Variants in SUGCT observed in about 807,000 individuals in gnomAD.
SUGCT encodes succinyl-CoA:glutarate CoA-transferase.
In SUGCT, 41 loss-of-function variants were observed where a neutral mutation model predicts 55.0. That is an observed-to-expected ratio of 0.74 (90% CI 0.58 to 0.97). SUGCT has a LOEUF of 0.97. Ranked by LOEUF, SUGCT falls within the 50% of genes least tolerant of loss-of-function variation. The probability of loss-of-function intolerance (pLI) is 0.00; values close to 1 mark genes in which losing one functional copy is unlikely to be tolerated. For synonymous variants in SUGCT, 187 were observed against 200.4 expected (o/e 0.93, Z 0.56); for missense variants, 568 against 547.8 (o/e 1.04, Z -0.37).
chr7:40,908,160 C>T, the SUGCT span, among the ~76,000 whole-genome samples: 20 of 151,616 alleles, frequency 1.3e-4, no homozygotes, highest in Non-Finnish European at 2.5e-4. Context: ...AGGCGGATCA[C>T]GAGGTCAGGA....
At chr7:40,854,943 A>G (rs1794093238) in intron 13 of SUGCT, among the ~76,000 whole-genome samples, 1 of 152,110 alleles carries the variant, frequency 6.6e-6, no homozygotes, top group Non-Finnish European at 1.5e-5. Context: ...GTCTTAAAAA[A>G]AACAAAAAGT....
chr7:40,565,219 A>C (rs975081772), intron 12 of SUGCT, among the ~76,000 whole-genome samples: 2 of 152,164 alleles, frequency 1.3e-5, no homozygotes, highest in African/African-American at 2.4e-5. Flanking sequence ...TCAAATGGAA[A>C]ACTTACCCCC....
At chr7:40,647,822 GAA>G (rs761976770) in intron 12 of SUGCT, among the ~76,000 whole-genome samples, 1 of 131,512 alleles carries the variant, frequency 7.6e-6, no homozygotes. Flanking sequence ...CTGCACTCCA[GAA>G]AAAAAAAAAA....
At chr7:40,353,395 C>T (rs1025970501) in intron 9 of SUGCT, among the ~76,000 whole-genome samples, 4 of 152,168 alleles carry the variant, frequency 2.6e-5, no homozygotes, top group Non-Finnish European at 5.9e-5. Flanking sequence ...CACATTTTAA[C>T]AGGATCCTCA....
At chr7:40,534,531 G>C (rs1221987638) in intron 12 of SUGCT, among the ~76,000 whole-genome samples, 1 of 152,078 alleles carries the variant, frequency 6.6e-6, no homozygotes, top group African/African-American at 2.4e-5. Flanking sequence ...CTACAGGCAT[G>C]TGCTGCCATG....
chr7:40,547,416 A>G (rs188336782), intron 12 of SUGCT, among the ~76,000 whole-genome samples: 1 of 152,320 alleles, frequency 6.6e-6, no homozygotes, highest in East Asian at 1.9e-4. Context: ...ACCTTCCTTA[A>G]AAACTTATAA....
the SUGCT span, among the ~76,000 whole-genome samples, chr7:41,005,622 G>T: frequency 6.6e-6 from 1 of 152,262 alleles, no homozygotes; most frequent in East Asian, 1.9e-4. Flanking sequence ...CTGTGCTGTG[G>T]GAAGAATTTC....
At chr7:40,207,838 T>A (rs1042355642) in intron 6 of SUGCT, among the ~76,000 whole-genome samples, 1 of 152,078 alleles carries the variant, frequency 6.6e-6, no homozygotes, top group Non-Finnish European at 1.5e-5. Flanking sequence ...GATTCAGCAA[T>A]TTTATTTCTA....
At chr7:40,240,071 G>A (rs1789276459) in intron 7 of SUGCT, among the ~76,000 whole-genome samples, 1 of 152,136 alleles carries the variant, frequency 6.6e-6, no homozygotes, top group African/African-American at 2.4e-5. Flanking sequence ...AAAGAACTGC[G>A]AAGAAGAGTA....
chr7:40,226,964 AAAAAC>A (rs1173507489), intron 6 of SUGCT, among the ~76,000 whole-genome samples: 1 of 151,572 alleles, frequency 6.6e-6, no homozygotes, highest in East Asian at 1.9e-4. Context: ...ATAATTAAAT[AAAAAC>A]TAAATAATTT....
intron 9 of SUGCT, among the ~76,000 whole-genome samples, chr7:40,353,217 A>AT (rs1797728311): frequency 6.6e-6 from 1 of 152,162 alleles, no homozygotes; most frequent in Non-Finnish European, 1.5e-5. Flanking sequence ...AAGGTTTGAG[A>AT]ACTATTTAAA....
intron 12 of SUGCT, among the ~76,000 whole-genome samples, chr7:40,661,018 A>T (rs12701825): frequency 0.33 from 50,023 of 152,050 alleles, 10,029 homozygotes; most frequent in African/African-American, 0.57. Flanking sequence ...CTCTTGAACA[A>T]TGTCAGTGAA....
chr7:40,639,515 T>C (rs921606228), intron 12 of SUGCT, among the ~76,000 whole-genome samples: 1 of 134,848 alleles, frequency 7.4e-6, no homozygotes, highest in Non-Finnish European at 1.6e-5. Context: ...TTTTTCAGAT[T>C]TTTTTTTTTT....
At chr7:40,673,598 G>A (rs943776779) in intron 12 of SUGCT, among the ~76,000 whole-genome samples, 1 of 152,262 alleles carries the variant, frequency 6.6e-6, no homozygotes, top group Non-Finnish European at 1.5e-5. Context: ...ATTTAAGGGC[G>A]CTATGTAAAG....
At chr7:40,538,462 C>A (rs1794490402) in intron 12 of SUGCT, 1 of 152,158 alleles carries the variant, frequency 6.6e-6, no homozygotes, top group African/African-American at 2.4e-5. Flanking sequence ...AATATCTCCT[C>A]CCCTCCTTCC....
intron 12 of SUGCT, among the ~76,000 whole-genome samples, chr7:40,527,158 A>G (rs1425182155): frequency 6.6e-6 from 1 of 152,226 alleles, no homozygotes; most frequent in Non-Finnish European, 1.5e-5. Flanking sequence ...TGATCTAAAT[A>G]TTCTTTTCCA....
chr7:40,376,917 CT>C (rs1209818612), intron 9 of SUGCT, among the ~76,000 whole-genome samples: 13 of 151,690 alleles, frequency 8.6e-5, no homozygotes, highest in Admixed American at 1.3e-4. Context: ...GGTATTTTCA[CT>C]GCATGTAGAA....
chr7:40,168,279 C>T (rs1199077976), intron 1 of SUGCT, among the ~76,000 whole-genome samples: 1 of 152,148 alleles, frequency 6.6e-6, no homozygotes, highest in Non-Finnish European at 1.5e-5. Flanking sequence ...AATGACCACT[C>T]TAACTGCTTC....
At chr7:40,324,244 A>ATAT (rs1562681042) in intron 9 of SUGCT, among the ~76,000 whole-genome samples, 1 of 98,478 alleles carries the variant, frequency 1.0e-5, no homozygotes, top group African/African-American at 4.4e-5. Context: ...TAAATAAATA[A>ATAT]ATAAATAAAT....
Sources: gnomAD v4.1 joint callset for allele counts (sites outside exome capture counted in the v4.1 genomes callset) on GRCh38, gnomAD v4.1.1 for gene constraint, MANE v1.5 for transcripts, NCBI Gene and HGNC (gene_info 2026-07-23, HGNC 2026-07-21) for gene names.